Variants in SLC25A15 observed in about 807,000 individuals in gnomAD.
The protein encoded by SLC25A15 is solute carrier family 25 member 15.
In SLC25A15, 24 loss-of-function variants were observed where a neutral mutation model predicts 32.3. The ratio of observed to expected loss-of-function variants is 0.74; its 90% CI spans 0.54 to 1.04. The LOEUF (loss-of-function observed/expected upper bound fraction) is 1.04. Among genes scored for constraint, SLC25A15 ranks in the 50% least tolerant of loss-of-function variants. The pLI, the probability that SLC25A15 is intolerant of heterozygous loss-of-function variation, is 0.00. For synonymous variants in SLC25A15, 132 were observed against 142.1 expected, an observed-to-expected ratio of 0.93 and a Z score of 0.51; for missense variants, 317 against 374.5, an observed-to-expected ratio of 0.85 and a Z score of 1.27.
chr13:40,797,215 TC>T (rs1166730339), intron 2 of SLC25A15, among the ~76,000 whole-genome samples: 1 of 152,148 alleles, frequency 6.6e-6, no homozygotes, highest in Non-Finnish European at 1.5e-5. Context: ...ATTTGTACAT[TC>T]ATTAGCCTCC....
intron 2 of SLC25A15, among the ~76,000 whole-genome samples, chr13:40,795,167 C>CCTGA (rs1403720078): frequency 2.0e-5 from 3 of 152,140 alleles, no homozygotes; most frequent in Admixed American, 2.0e-4. Context: ...GGACGCTGAC[C>CCTGA]CTGAGAATGG....
chr13:40,795,956 T>G (rs1881656105), intron 2 of SLC25A15, among the ~76,000 whole-genome samples: 1 of 152,194 alleles, frequency 6.6e-6, no homozygotes, highest in African/African-American at 2.4e-5. Flanking sequence ...CTGGTGTCGT[T>G]GCTGTCTCTG....
chr13:40,806,852 C>T lies in SLC25A15; in HGVS notation c.453-442C>T, dbSNP rs142464358. ...CAGGGCTGCTTAGAAGAAATTCTCCCGCATCCCTGGTGCTCTGAGAAATAA... is the reference window on the plus strand; with the variant it reads ...CAGGGCTGCTTAGAAGAAATTCTCCTGCATCCCTGGTGCTCTGAGAAATAA... On this transcript the variant is annotated intron_variant, in intron 4 of 6. Transcript: ENST00000338625. 7.2e-4 allele frequency among the ~76,000 whole-genome samples: 110 copies of T among 152,324 alleles called. 2 individuals are homozygous for T. In the East Asian group the frequency reaches 0.02, roughly 28 times the overall value.
At chr13:40,792,467 G>C (rs533966260) in intron 1 of SLC25A15, among the ~76,000 whole-genome samples, 1 of 152,256 alleles carries the variant, frequency 6.6e-6, no homozygotes, top group Non-Finnish European at 1.5e-5. Context: ...CTGGTGGTCT[G>C]TGGTGACGGG....
At chr13:40,799,415 C>T in intron 3 of SLC25A15, 100 bp downstream of exon 3, 4 of 1,485,884 alleles carry the variant, frequency 2.7e-6, no homozygotes, top group Non-Finnish European at 3.7e-6. Flanking sequence ...CTTTGGGAGG[C>T]AAAGGCAGGA....
At chr13:40,797,476 A>G (rs947848511) in intron 2 of SLC25A15, among the ~76,000 whole-genome samples, 1 of 152,224 alleles carries the variant, frequency 6.6e-6, no homozygotes, top group Non-Finnish European at 1.5e-5. Flanking sequence ...CTAGCCCAGC[A>G]TTACCTGGGA....
At chr13:40,790,201 C>G (rs555038844) in intron 1 of SLC25A15, among the ~76,000 whole-genome samples, 5 of 149,882 alleles carry the variant, frequency 3.3e-5, no homozygotes, top group African/African-American at 1.2e-4. Flanking sequence ...TAGCCAGAAG[C>G]TGGGATCTTC....
chr13:40,810,740 C>T lies in SLC25A15; in HGVS notation c.*1073C>T, dbSNP rs555708514. 1 of 534,702 alleles carries T rather than the reference C, an allele frequency of 1.9e-6. No homozygotes were observed. The highest frequency in any genetic ancestry group is 1.4e-5 in the South Asian group (1 of 71,586). 33.1% of individuals were successfully genotyped at this position (534,702 alleles called of 1,614,324 possible). On this transcript the variant is annotated 3_prime_UTR_variant, in exon 7 of 7. Transcript: ENST00000338625. ...TGGCCTTTACCAGCTTCCCTTCTCT[C>T]CCAAAGAACTTCCCTTCTTGGGCTT...
At chr13:40,791,906 A>G (rs914072515) in intron 1 of SLC25A15, among the ~76,000 whole-genome samples, 10 of 152,122 alleles carry the variant, frequency 6.6e-5, no homozygotes, top group African/African-American at 1.9e-4. Context: ...TCCACGGCCA[A>G]TGTTTCCTGT....
intron 5 of SLC25A15, 80 bp from the exon 6 acceptor site, chr13:40,808,358 C>CA (rs1387730704): frequency 8.7e-7 from 1 of 1,155,872 alleles, no homozygotes; most frequent in Non-Finnish European, 1.3e-6. Context: ...TACCTGCAGC[C>CA]ATTACTACAT....
At chr13:40,793,087 A>C (rs74798767) in intron 1 of SLC25A15, 71 bp from the exon 2 acceptor site, 22,997 of 821,542 alleles carry the variant, frequency 0.028, 514 homozygotes, top group Middle Eastern at 0.043. Context: ...TAGGTTCTGT[A>C]ATTTGGCTGC....
Position 40,809,477 on chromosome 13 carries a change from T to C in SLC25A15, c.782-66T>C, listed in dbSNP as rs1244298900. The C allele has an allele frequency of 2.5e-6, 4 of 1,603,126 alleles. No individual in the cohort carries two copies. In the Admixed American group the frequency reaches 5.0e-5, roughly 20 times the overall value. The stretch of plus-strand genomic sequence containing the variant: ...TGCATGTGTAAATATACCTATGCTA[T>C]GCAGCTGCGTGGGTATCCCCAAAGG... On this transcript the variant is annotated intron_variant, in intron 6 of 6. Transcript: ENST00000338625.
Position 40,808,508 on chromosome 13 carries a change from T to C in SLC25A15, c.693T>C (p.Asp231=). ...TCTGGCTTGCGGTATACCCAGTGGA[T>C]TGTATCAAATCCAGAATTCAAGTTC... The part of the protein sequence containing the change: ...ICLWLAVYPV[D]CIKSRIQVLS... Residue 231 remains aspartate (D), a synonymous_variant, in exon 6 of 7, where the codon GAT becomes GAC. Coordinates refer to ENST00000338625, the MANE Select transcript of SLC25A15 (RefSeq NM_014252.4). 6.2e-7 allele frequency: 1 copy of C among 1,613,350 alleles called. No homozygotes were observed. Among genetic ancestry groups the C allele is most frequent in the Non-Finnish European group, 8.5e-7 (1 of 1,179,912 alleles).
rs1882371437 is a variant in SLC25A15 at position 40,809,798 on chromosome 13, A to G, written c.*131A>G. The G allele has an allele frequency of 1.1e-6, 1 of 880,464 alleles. No individual in the cohort carries two copies. The highest frequency in any genetic ancestry group is 1.8e-6 in the Non-Finnish European group (1 of 542,222). 54.5% of individuals were successfully genotyped at this position (880,464 alleles called of 1,614,324 possible). A position where few individuals can be genotyped will look rare whatever the true frequency, so the allele number is the denominator to read the frequency against. ...AATTTTGCTTTTTGTCTTCCCTTCT[A>G]CCCTACATCTTAAACTTTATGGAAG... On this transcript the variant is annotated 3_prime_UTR_variant, in exon 7 of 7. Coordinates refer to ENST00000338625, the MANE Select transcript of SLC25A15 (RefSeq NM_014252.4).
intron 3 of SLC25A15, among the ~76,000 whole-genome samples, chr13:40,802,804 C>T (rs1267596765): frequency 6.6e-6 from 1 of 152,056 alleles, no homozygotes; most frequent in Non-Finnish European, 1.5e-5. Context: ...GATCTCTTGA[C>T]CTCGTGATCT....
Position 40,808,480 on chromosome 13 carries a change from G to A in SLC25A15, c.665G>A (p.Cys222Tyr), listed in dbSNP as rs1232206489. The change falls in exon 6 of 7, where the codon TGC becomes TAC. Residue 222 changes from cysteine (C) to tyrosine (Y), a missense_variant. Coordinates refer to ENST00000338625, the MANE Select transcript of SLC25A15 (RefSeq NM_014252.4). ...TTAAGTGGTGGAGTTGGTGGGATTT[G>A]CCTCTGGCTTGCGGTATACCCAGTG... ...LMLSGGVGGI[C>Y]LWLAVYPVDC... The A allele has an allele frequency of 6.2e-7, 1 of 1,613,466 alleles. No individual in the cohort carries two copies. The highest frequency in any genetic ancestry group is 2.2e-5 in the East Asian group (1 of 44,872).
At chr13:40,791,369 T>A (rs981145880) in intron 1 of SLC25A15, among the ~76,000 whole-genome samples, 1 of 150,510 alleles carries the variant, frequency 6.6e-6, no homozygotes, top group African/African-American at 2.4e-5. Flanking sequence ...TTATTATTTT[T>A]TTTTTTGAGA....
rs1362798815 is a variant in SLC25A15, at chr13:40,811,286, C to T, written c.*1619C>T. Reference sequence around the variant, plus strand: ...CGGGCGGGTCACAAGGTCAGGAGTTCGAGAACAGCCTGACCAACATGGTGA... The same window carrying T: ...CGGGCGGGTCACAAGGTCAGGAGTTTGAGAACAGCCTGACCAACATGGTGA... On this transcript the variant is annotated 3_prime_UTR_variant, in exon 7 of 7. Coordinates refer to ENST00000338625, the MANE Select transcript of SLC25A15 (RefSeq NM_014252.4). Among the ~76,000 whole-genome samples, 2 of 152,084 alleles carry T rather than the reference C, an allele frequency of 1.3e-5. No homozygotes were observed. Among genetic ancestry groups the T allele is most frequent in the Admixed American group, 6.5e-5 (1 of 15,274 alleles).
intron 6 of SLC25A15, among the ~76,000 whole-genome samples, chr13:40,808,927 T>C (rs935740091): frequency 1.1e-4 from 7 of 64,978 alleles, no homozygotes; most frequent in Admixed American, 1.0e-3. Context: ...AGCGAGACTC[T>C]GTCTCAAAAA....
Sources: allele counts gnomAD v4.1 joint callset (sites outside exome capture counted in the v4.1 genomes callset), GRCh38; gene constraint gnomAD v4.1.1; transcripts MANE v1.5; gene names NCBI Gene and HGNC (gene_info 2026-07-23, HGNC 2026-07-21).